Variants in ALG14 observed in about 807,000 individuals in gnomAD.
The protein encoded by ALG14 is UDP-N-acetylglucosamine transferase subunit ALG14.
A neutral mutation model predicts 22.8 loss-of-function variants in ALG14; 17 were observed. The observed-to-expected ratio is 0.75, with a 90% confidence interval of 0.51 to 1.12. The LOEUF (loss-of-function observed/expected upper bound fraction) is 1.12, where lower values mean the gene tolerates loss of function less well. Among genes scored for constraint, ALG14 ranks in the 50% most tolerant of loss-of-function variants. The pLI is 0.00. For synonymous variants in ALG14, 89 were observed against 103.7 expected (o/e 0.86, Z 0.86); for missense variants, 288 against 271.8 (o/e 1.06, Z -0.42).
rs548389921 is a variant in ALG14 at position 94,999,343 on chromosome 1, ATTTTTTTTT to A, written c.421-16046_421-16038del. On this transcript the variant is annotated intron_variant, in intron 3 of 3. Transcript: ENST00000370205. The stretch of plus-strand genomic sequence containing the variant: ...CCAATTAAATATTTTCAGTAGACCC[ATTTTTTTTT>A]TTTTTTTTTTTTTTGGAAAACCTGA... 5.7e-4 allele frequency among the ~76,000 whole-genome samples: 62 copies of A among 108,768 alleles called. 1 individual carries two copies. Among genetic ancestry groups the A allele is most frequent in the African/African-American group, 1.8e-3 (51 of 27,964 alleles). The allele number at this position is 108,768 out of a possible 152,430, so 71.4% of individuals were successfully genotyped here. A position where few individuals can be genotyped will look rare whatever the true frequency, so the allele number is the denominator to read the frequency against.
intron 3 of ALG14, among the ~76,000 whole-genome samples, chr1:95,005,968 T>A (rs1017469323): frequency 6.6e-6 from 1 of 152,094 alleles, no homozygotes; most frequent in South Asian, 2.1e-4. Context: ...AAAGGCAAAA[T>A]TTTTTTTGCA....
intron 3 of ALG14, among the ~76,000 whole-genome samples, chr1:95,022,744 C>T (rs1237506843): frequency 1.3e-5 from 2 of 152,200 alleles, no homozygotes; most frequent in East Asian, 3.8e-4. Context: ...ACCTTACTCT[C>T]ACTTAATTCC....
rs1168975529 is a variant in ALG14 at position 94,981,823 on chromosome 1, AAC to A, written c.*1251_*1252del. 1 of 151,994 alleles carries A rather than the reference AAC, an allele frequency of 6.6e-6. No homozygotes were observed. Among genetic ancestry groups the A allele is most frequent in the East Asian group, 1.9e-4 (1 of 5,172 alleles). The allele number at this position is 151,994 out of a possible 1,614,324, so 9.4% of individuals were successfully genotyped here. On this transcript the variant is annotated 3_prime_UTR_variant, in exon 4 of 4. Transcript: ENST00000370205. ...TTCCAGTAGACATGGCACCACTAGA[AAC>A]ACAGTCTCAAGCAGGACCAGCGAAA...
chr1:95,027,403 G>T, intron 2 of ALG14, 143 bp from the exon 3 acceptor site: 2 of 994,062 alleles, frequency 2.0e-6, no homozygotes, highest in Non-Finnish European at 2.9e-6. Flanking sequence ...GAGTTGTAAT[G>T]CCTATCTCAT....
rs527736469 is a variant in ALG14 at position 95,008,754 on chromosome 1, G to A, written c.420+18375C>T. On this transcript the variant is annotated intron_variant, in intron 3 of 3. Coordinates refer to ENST00000370205, the MANE Select transcript of ALG14 (RefSeq NM_144988.4). ...AGCACATTTACAAGGTTGTAATTGT[G>A]CTATCCATTTCTAGAACATTTTTGT... Among the ~76,000 whole-genome samples, 482 of 152,140 alleles carry A rather than the reference G, an allele frequency of 3.2e-3. 1 individual carries two copies. Among genetic ancestry groups the A allele is most frequent in the African/African-American group, 0.011 (465 of 41,516 alleles).
chr1:95,062,919 C>A (rs1332665468), intron 2 of ALG14, among the ~76,000 whole-genome samples: 3 of 152,178 alleles, frequency 2.0e-5, no homozygotes, highest in African/African-American at 7.2e-5. Flanking sequence ...CCCACCAATA[C>A]TGTAAAAGCA....
Position 94,999,509 on chromosome 1 carries a change from C to CT in ALG14, c.421-16204dup, listed in dbSNP as rs561715506. On this transcript the variant is annotated intron_variant, in intron 3 of 3. Transcript: ENST00000370205. ...CACACCAACTTACTCCTTTTCCACT[C>CT]TTCCTTTTCCCTCCTCTCTCACTCT... 1.1e-4 allele frequency among the ~76,000 whole-genome samples: 17 copies of CT among 152,258 alleles called. No individual in the cohort carries two copies. The East Asian group carries it at 1.4e-3, about 12-fold the overall frequency.
rs1257212209 is a variant in ALG14 at position 95,027,213 on chromosome 1, C to T, written c.336G>A (p.Gln112=). The T allele has an allele frequency of 1.2e-6, 2 of 1,614,172 alleles. No individual in the cohort carries two copies. Among genetic ancestry groups the T allele is most frequent in the Admixed American group, 1.7e-5 (1 of 60,020 alleles). ...IHRIPRSREV[Q]QSWPSTVFTT... is the part of the protein sequence containing the mutation. ...TGAAAACGGTGGAGGGCCAGGACTG[C>T]TGAACCTCCCGGCTTCTTGGAATTC... Residue 112 remains glutamine (Q), a synonymous_variant, in exon 3 of 4, where the codon CAG becomes CAA. Coordinates refer to ENST00000370205, the MANE Select transcript of ALG14 (RefSeq NM_144988.4).
chr1:95,054,322 A>C (rs1015987013), intron 2 of ALG14, among the ~76,000 whole-genome samples: 1 of 151,910 alleles, frequency 6.6e-6, no homozygotes, highest in Admixed American at 6.6e-5. Context: ...TTCTCACGGG[A>C]TCTGTTTGTT....
chr1:95,037,366 A>G (rs1364336075), intron 2 of ALG14, among the ~76,000 whole-genome samples: 9 of 152,208 alleles, frequency 5.9e-5, no homozygotes, highest in African/African-American at 2.4e-5. Flanking sequence ...CCACTGGAGT[A>G]CCATGAGGCA....
In ALG14 at chr1:95,064,992, C is replaced by T. The variant is rs1675306898; in HGVS notation, c.162G>A (p.Arg54=). The part of the protein sequence containing the change: ...GSGGHTTEIL[R]LLGSLSNAYS... ...AGGCATTGGACAAGCTCCCAAGCAG[C>T]CTCAGGATCTCAGTGGTATGCCCAC... is the stretch of plus-strand genomic sequence containing the variant. The change falls in exon 2 of 4, where the codon AGG becomes AGA. Residue 54 remains arginine, a synonymous_variant. Coordinates refer to ENST00000370205, the MANE Select transcript of ALG14 (RefSeq NM_144988.4). The T allele has an allele frequency of 6.2e-7, 1 of 1,613,090 alleles. No individual in the cohort carries two copies. Among genetic ancestry groups the T allele is most frequent in the African/African-American group, 1.3e-5 (1 of 74,844 alleles).
chr1:95,049,760 A>G (rs984971891), intron 2 of ALG14, among the ~76,000 whole-genome samples: 3 of 151,948 alleles, frequency 2.0e-5, no homozygotes, highest in African/African-American at 7.3e-5. Flanking sequence ...AGTCCCAGCT[A>G]CTTGGGGGGC....
intron 2 of ALG14, among the ~76,000 whole-genome samples, chr1:95,028,170 A>G (rs975288592): frequency 1.3e-5 from 2 of 152,022 alleles, no homozygotes; most frequent in Non-Finnish European, 2.9e-5. Flanking sequence ...TTTTTTTGAG[A>G]CAAGGTCTCA....
chr1:95,060,640 T>C (rs992600548), intron 2 of ALG14, among the ~76,000 whole-genome samples: 4 of 151,456 alleles, frequency 2.6e-5, no homozygotes, highest in African/African-American at 9.7e-5. Flanking sequence ...CGCTTGAACC[T>C]GGGAGGTGGA....
chr1:95,001,272 A>G (rs923614159), intron 3 of ALG14, among the ~76,000 whole-genome samples: 28 of 152,228 alleles, frequency 1.8e-4, no homozygotes, highest in East Asian at 9.7e-4. Context: ...GCCAGCCCCC[A>G]TGGGTTTTTT....
intron 3 of ALG14, among the ~76,000 whole-genome samples, chr1:95,018,148 T>C (rs1299137913): frequency 6.6e-6 from 1 of 152,030 alleles, no homozygotes; most frequent in Non-Finnish European, 1.5e-5. Context: ...TGAGGTAAAA[T>C]GGATGCAAAC....
chr1:95,004,793 C>A lies in ALG14; in HGVS notation c.421-21487G>T, dbSNP rs191757979. 1.6e-4 allele frequency among the ~76,000 whole-genome samples: 23 copies of A among 146,552 alleles called. No homozygotes were observed. In the East Asian group the frequency reaches 4.5e-3, roughly 29 times the overall value. On this transcript the variant is annotated intron_variant, in intron 3 of 3. Transcript: ENST00000370205. The stretch of plus-strand genomic sequence containing the variant: ...TACAGGCATGAGCCACCGCGCCTGC[C>A]CCCGCCCCCGCCTTTTTATTTTTAT...
Position 94,979,145 on chromosome 1 carries a change from G to A in ALG14, c.*3931C>T, listed in dbSNP as rs1223768759. On this transcript the variant is annotated 3_prime_UTR_variant, in exon 4 of 4. Coordinates refer to ENST00000370205, the MANE Select transcript of ALG14 (RefSeq NM_144988.4). ...CTAAAAATACAAAAATTAGCCAGGTGTGGTGGTGCATGCCTGTAATCCCAG... is the reference window on the plus strand; with the variant it reads ...CTAAAAATACAAAAATTAGCCAGGTATGGTGGTGCATGCCTGTAATCCCAG... 6.6e-6 allele frequency: 1 copy of A among 151,992 alleles called. No homozygotes were observed. The allele number at this position is 151,992 out of a possible 1,614,324, so 9.4% of individuals were successfully genotyped here.
chr1:95,060,408 T>C (rs886066425), intron 2 of ALG14, among the ~76,000 whole-genome samples: 1 of 151,920 alleles, frequency 6.6e-6, no homozygotes, highest in Non-Finnish European at 1.5e-5. Context: ...AAATACAAAA[T>C]AATGGCACTA....
Sources: allele counts gnomAD v4.1 joint callset (sites outside exome capture counted in the v4.1 genomes callset), GRCh38; gene constraint gnomAD v4.1.1; transcripts MANE v1.5; gene names NCBI Gene and HGNC (gene_info 2026-07-23, HGNC 2026-07-21).